MALAT1: variants seen among roughly 807,000 people sequenced by gnomAD.
The protein encoded by MALAT1 is metastasis associated lung adenocarcinoma transcript 1, also known as hepcarcin.
At chr11:65,497,846 A>G (rs1195096911) in exon 1 of MALAT1, 1 of 515,496 alleles carries the variant, frequency 1.9e-6, no homozygotes, top group Admixed American at 2.0e-5. Context: ...CGGCGCCGGG[A>G]AGCCTCAGCT....
chr11:65,498,840 G>A (rs369568173), intron 2 of MALAT1: 2 of 518,542 alleles, frequency 3.9e-6, no homozygotes, highest in Non-Finnish European at 7.7e-6. Context: ...CTTTCCACAC[G>A]CTAGTAATTT....
At chr11:65,505,668 G>C (rs763266102) in intron 3 of MALAT1, 2 of 519,026 alleles carry the variant, frequency 3.9e-6, no homozygotes, top group Admixed American at 3.9e-5. Context: ...TCAAGGTAAC[G>C]ATGGTGTCGA....
exon 3 of MALAT1, chr11:65,499,085 G>C: frequency 1.9e-6 from 1 of 518,322 alleles, no homozygotes; most frequent in South Asian, 1.4e-5. Context: ...TGCTGAGGGG[G>C]CAGGCGGAGC....
exon 3 of MALAT1, chr11:65,500,146 A>G: frequency 2.0e-6 from 1 of 501,540 alleles, no homozygotes; most frequent in Non-Finnish European, 4.0e-6. Context: ...GAAGTTGGTT[A>G]AAAATCACAT....
At chr11:65,501,752 C>T in exon 3 of MALAT1, 1 of 518,966 alleles carries the variant, frequency 1.9e-6, no homozygotes, top group Non-Finnish European at 3.8e-6. Context: ...CATATTCAGT[C>T]ATCTCAGGAG....
At chr11:65,503,050 G>T (rs766829373) in exon 3 of MALAT1, 2 of 508,784 alleles carry the variant, frequency 3.9e-6, no homozygotes, top group East Asian at 5.5e-5. Flanking sequence ...CGAAATAAAT[G>T]AGAGATGAGT....
At chr11:65,505,839 A>G (rs776268531) in intron 3 of MALAT1, 7 of 484,254 alleles carry the variant, frequency 1.4e-5, no homozygotes, top group South Asian at 1.1e-4. Flanking sequence ...ATGTTCAAGA[A>G]CTGTAATGCT....
At chr11:65,501,691 A>T (rs1565053040) in exon 3 of MALAT1, 1 of 519,044 alleles carries the variant, frequency 1.9e-6, no homozygotes, top group South Asian at 1.4e-5. Context: ...TTATCCTTGG[A>T]AGAGTATTCC....
chr11:65,503,426 C>T (rs901418118), exon 3 of MALAT1: 5 of 515,688 alleles, frequency 9.7e-6, no homozygotes, highest in Middle Eastern at 3.2e-4. Context: ...TAAATAATTT[C>T]TTAAAAGCCT....
At chr11:65,498,026 G>C in intron 1 of MALAT1, 1 of 518,950 alleles carries the variant, frequency 1.9e-6, no homozygotes, top group Non-Finnish European at 3.8e-6. Flanking sequence ...CTTGGGGTTT[G>C]GAGGAAAGCT....
At chr11:65,498,505 T>G (rs1194827313) in intron 1 of MALAT1, 4 of 516,696 alleles carry the variant, frequency 7.7e-6, no homozygotes, top group African/African-American at 1.9e-5. Flanking sequence ...TGCTCCGATT[T>G]CTCGAACAAA....
chr11:65,498,317 A>C (rs780775643), intron 1 of MALAT1: 1 of 517,960 alleles, frequency 1.9e-6, no homozygotes, highest in Non-Finnish European at 3.9e-6. Context: ...CGGTAGAAAA[A>C]TTTCCGTGCG....
chr11:65,499,061 A>G (rs757928198), exon 3 of MALAT1: 3 of 517,660 alleles, frequency 5.8e-6, no homozygotes, highest in South Asian at 4.2e-5. Context: ...TGAGGCAGCC[A>G]GCGCAGGGGC....
rs745387088 is a variant in MALAT1, at chr11:65,505,540, C to T, written n.5169-720C>T. On this transcript the variant is annotated intron_variant and non_coding_transcript_variant, in intron 3 of 3. Transcript: ENST00000619449. The stretch of plus-strand genomic sequence containing the variant: ...GCCTGTTAAAAGCAAGGTCTCCCCA[C>T]AAGCAACTTCTCTGCCACATCGCCA... 3.3e-5 allele frequency: 17 copies of T among 515,746 alleles called. No homozygotes were observed. The East Asian group carries it at 9.3e-4, about 28-fold the overall frequency. The allele number at this position is 515,746 out of a possible 1,614,324, so 31.9% of individuals were successfully genotyped here. A position where few individuals can be genotyped will look rare whatever the true frequency, so the allele number is the denominator to read the frequency against.
At chr11:65,499,098 G>C in exon 3 of MALAT1, 1 of 518,330 alleles carries the variant, frequency 1.9e-6, no homozygotes, top group African/African-American at 1.9e-5. Flanking sequence ...GGCGGAGCTT[G>C]AGGAAACCGC....
At chr11:65,499,665 A>G (rs1565675484) in exon 3 of MALAT1, 3 of 435,340 alleles carry the variant, frequency 6.9e-6, no homozygotes, top group African/African-American at 2.1e-5. Context: ...GAAGTGGAAA[A>G]CTGGAAGACA....
exon 3 of MALAT1, chr11:65,502,298 A>T (rs757312043): frequency 1.9e-6 from 1 of 517,198 alleles, no homozygotes; most frequent in Admixed American, 2.0e-5. Flanking sequence ...AGGTGATTTA[A>T]TAATAATTTA....
chr11:65,506,352 CGA>C, exon 4 of MALAT1: 1 of 459,782 alleles, frequency 2.2e-6, no homozygotes, highest in Non-Finnish European at 4.2e-6. Context: ...CATATTTACA[CGA>C]GAACCTAATA....
chr11:65,498,074 G>T, intron 1 of MALAT1: 1 of 518,990 alleles, frequency 1.9e-6, no homozygotes, highest in South Asian at 1.4e-5. Context: ...AAGGTCTGAA[G>T]CTCATACCTA....
Sources: gnomAD v4.1 joint callset for allele counts on GRCh38, gnomAD v4.1.1 for gene constraint, MANE v1.5 for transcripts, NCBI Gene and HGNC (gene_info 2026-07-23, HGNC 2026-07-21) for gene names.